Variants in DLGAP2 observed in about 807,000 individuals in gnomAD.
DLGAP2 encodes DLG associated protein 2.
A neutral mutation model predicts 100.3 loss-of-function variants in DLGAP2; 26 were observed. The ratio of observed to expected loss-of-function variants is 0.26; its 90% CI spans 0.19 to 0.36. DLGAP2 has a LOEUF of 0.36. DLGAP2 is among the 10% of genes least tolerant of loss of function. The probability of loss-of-function intolerance (pLI) is 1.00; values close to 1 mark genes in which losing one functional copy is unlikely to be tolerated. For synonymous variants in DLGAP2, 886 were observed against 630.1 expected (o/e 1.41, Z -6.08); for missense variants, 1,858 against 1,453.2 (o/e 1.28, Z -4.53).
Position 1,290,633 on chromosome 8 carries a change from C to T in DLGAP2, c.106+31750C>T, listed in dbSNP as rs573997179. Among the ~76,000 whole-genome samples, 11 of 152,304 alleles carry T rather than the reference C, an allele frequency of 7.2e-5. No homozygotes were observed. In the South Asian group the frequency reaches 8.3e-4, roughly 11 times the overall value. Reference sequence around the variant, plus strand: ...GAAAGACCAGAAAGGCAGAGGCCTCCGTGGCAGGACGGTGGCTGACCTTTA... The same window carrying T: ...GAAAGACCAGAAAGGCAGAGGCCTCTGTGGCAGGACGGTGGCTGACCTTTA... On this transcript the variant is annotated intron_variant, in intron 3 of 14. Coordinates refer to ENST00000637795, the MANE Select transcript of DLGAP2 (RefSeq NM_001346810.2).
At chr8:839,293 CA>C (rs766638705) in intron 1 of DLGAP2, among the ~76,000 whole-genome samples, 64 of 152,262 alleles carry the variant, frequency 4.2e-4, no homozygotes, top group South Asian at 8.3e-4. Context: ...ATGTTCACTG[CA>C]GCATTATTTA....
In DLGAP2 at chr8:1,597,493, T is replaced by C. The variant is rs181446777; in HGVS notation, c.1443-29247T>C. 1.8e-4 allele frequency among the ~76,000 whole-genome samples: 28 copies of C among 152,250 alleles called. No individual in the cohort carries two copies. In the East Asian group the frequency reaches 4.8e-3, roughly 26 times the overall value. ...ATTTTCACAATATTGGTTCTTCCTA[T>C]CCATGATCATGGAATGTTTTTCCAT... On this transcript the variant is annotated intron_variant, in intron 6 of 14. Transcript: ENST00000637795.
chr8:864,239 G>C (rs1211947035), intron 1 of DLGAP2, among the ~76,000 whole-genome samples: 2 of 152,102 alleles, frequency 1.3e-5, no homozygotes, highest in Non-Finnish European at 2.9e-5. Flanking sequence ...GCAGGGACTT[G>C]GGTAGGGGAA....
intron 2 of DLGAP2, among the ~76,000 whole-genome samples, chr8:950,632 T>C (rs1048117383): frequency 2.0e-5 from 3 of 149,122 alleles, no homozygotes; most frequent in African/African-American, 7.4e-5. Context: ...CTTTTTTTTT[T>C]TTTTTTTGAG....
chr8:845,047 A>C (rs902768222), intron 1 of DLGAP2, among the ~76,000 whole-genome samples: 5 of 152,218 alleles, frequency 3.3e-5, no homozygotes, highest in African/African-American at 1.2e-4. Context: ...CAGATATACC[A>C]CATTTTATTT....
At chr8:758,680 G>A (rs1322825338) in intron 1 of DLGAP2, among the ~76,000 whole-genome samples, 3 of 152,060 alleles carry the variant, frequency 2.0e-5, no homozygotes, top group Non-Finnish European at 2.9e-5. Context: ...TCCCACCTCA[G>A]ACTCCTGAGT....
intron 2 of DLGAP2, among the ~76,000 whole-genome samples, chr8:1,240,268 G>A (rs73670686): frequency 0.091 from 11,699 of 128,828 alleles, 1,270 homozygotes; most frequent in African/African-American, 0.25. Flanking sequence ...ACATGGCGCC[G>A]TGTCTAGTTC....
At chr8:1,303,802 C>A (rs894806624) in intron 3 of DLGAP2, among the ~76,000 whole-genome samples, 15 of 152,158 alleles carry the variant, frequency 9.9e-5, no homozygotes, top group African/African-American at 3.4e-4. Flanking sequence ...GCTCGTCCAG[C>A]CCTGCGCTGC....
chr8:746,255 C>A (rs1217374424), intron 1 of DLGAP2, among the ~76,000 whole-genome samples: 1 of 152,246 alleles, frequency 6.6e-6, no homozygotes, highest in Non-Finnish European at 1.5e-5. Flanking sequence ...GTTTTCTGAT[C>A]ATATCTGGCA....
chr8:1,425,500 C>A (rs1304078603), intron 3 of DLGAP2, among the ~76,000 whole-genome samples: 1 of 152,208 alleles, frequency 6.6e-6, no homozygotes, highest in East Asian at 1.9e-4. Flanking sequence ...CTTGGGTCTT[C>A]CCTGAGGACA....
At chr8:1,266,019 A>C (rs1799443362) in intron 3 of DLGAP2, among the ~76,000 whole-genome samples, 1 of 152,226 alleles carries the variant, frequency 6.6e-6, no homozygotes, top group Admixed American at 6.5e-5. Flanking sequence ...CAAAGAAAAA[A>C]ATGATTACAA....
chr8:947,373 C>T (rs569380807), intron 2 of DLGAP2, among the ~76,000 whole-genome samples: 7 of 152,324 alleles, frequency 4.6e-5, no homozygotes, highest in Non-Finnish European at 7.3e-5. Flanking sequence ...TCACACAGGA[C>T]GTAATTTTGC....
intron 4 of DLGAP2, among the ~76,000 whole-genome samples, chr8:1,536,955 C>T (rs1307108265): frequency 6.6e-6 from 1 of 152,136 alleles, no homozygotes; most frequent in Non-Finnish European, 1.5e-5. Flanking sequence ...ATGTTTACCT[C>T]TGTTGGCTCA....
At chr8:1,557,737 C>T (rs1254635473) in intron 5 of DLGAP2, among the ~76,000 whole-genome samples, 2 of 152,214 alleles carry the variant, frequency 1.3e-5, no homozygotes, top group Non-Finnish European at 2.9e-5. Context: ...AGACGCCGTC[C>T]TCTCCCCATG....
At chr8:845,638 T>G (rs1173564667) in intron 1 of DLGAP2, among the ~76,000 whole-genome samples, 2 of 152,236 alleles carry the variant, frequency 1.3e-5, no homozygotes, top group Non-Finnish European at 2.9e-5. Flanking sequence ...CTTGATGGTG[T>G]TCTTTGAAGC....
chr8:1,201,969 AGTATCTGT>A (rs774294292), intron 2 of DLGAP2, among the ~76,000 whole-genome samples: 5 of 150,170 alleles, frequency 3.3e-5, no homozygotes, highest in South Asian at 2.1e-4. Context: ...TGGTGTGTAC[AGTATCTGT>A]GTATCTGTGT....
At chr8:1,335,891 G>C in intron 3 of DLGAP2, among the ~76,000 whole-genome samples, 1 of 151,774 alleles carries the variant, frequency 6.6e-6, no homozygotes, top group African/African-American at 2.4e-5. Flanking sequence ...GGCTGCGCGT[G>C]GTGACGCGGG....
intron 3 of DLGAP2, among the ~76,000 whole-genome samples, chr8:1,492,102 T>C (rs2130286677): frequency 6.6e-6 from 1 of 152,350 alleles, no homozygotes; most frequent in Middle Eastern, 3.4e-3. Context: ...AAGTGACATT[T>C]AACCACTGGT....
intron 1 of DLGAP2, among the ~76,000 whole-genome samples, chr8:858,220 A>C (rs1292811148): frequency 1.3e-5 from 2 of 152,358 alleles, no homozygotes; most frequent in African/African-American, 4.8e-5. Flanking sequence ...ATGAATAACC[A>C]AACTGGCCTA....
Sources: allele counts gnomAD v4.1 joint callset (sites outside exome capture counted in the v4.1 genomes callset), GRCh38; gene constraint gnomAD v4.1.1; transcripts MANE v1.5; gene names NCBI Gene and HGNC (gene_info 2026-07-23, HGNC 2026-07-21).